Variants in CLIP1 observed in about 807,000 individuals in gnomAD.
CLIP1 encodes CAP-Gly domain-containing linker protein 1.
Under a neutral mutation model 161.6 loss-of-function variants are expected in CLIP1, and 66 were observed. The ratio of observed to expected loss-of-function variants is 0.41; its 90% CI spans 0.33 to 0.50. CLIP1 has a LOEUF of 0.50. CLIP1 is among the 20% of genes least tolerant of loss of function. The pLI, the probability that CLIP1 is intolerant of heterozygous loss-of-function variation, is 0.27. For missense variants in CLIP1, 1,376 were observed against 1,702.0 expected (o/e 0.81, Z 3.37); for synonymous variants, 598 against 626.2 (o/e 0.96, Z 0.67).
chr12:122,288,901 C>T lies in CLIP1; in HGVS notation c.3595-360G>A, dbSNP rs531254230. On this transcript the variant is annotated intron_variant, in intron 20 of 25. Transcript: ENST00000620786. ...CGTGATCTCGGCTCACTGCAAGCTC[C>T]GCCTCCCGGGTTCACGCCATTCTCC... Among the ~76,000 whole-genome samples, 358 of 149,806 alleles carry T rather than the reference C, an allele frequency of 2.4e-3. 2 individuals are homozygous for T. Among genetic ancestry groups the T allele is most frequent in the South Asian group, 0.019 (91 of 4,724 alleles).
intron 19 of CLIP1, among the ~76,000 whole-genome samples, chr12:122,312,616 T>C (rs1177423239): frequency 6.6e-6 from 1 of 151,870 alleles, no homozygotes. Flanking sequence ...ATACAAAAAT[T>C]AGTTGGGCGT....
intron 1 of CLIP1, among the ~76,000 whole-genome samples, chr12:122,419,705 G>GT (rs1956872326): frequency 6.6e-6 from 1 of 151,886 alleles, no homozygotes; most frequent in Non-Finnish European, 1.5e-5. Context: ...GGAGGCCGAG[G>GT]TGAGAGGATC....
Position 122,278,805 on chromosome 12 carries a change from G to A in CLIP1, c.3903C>T (p.Leu1301=), listed in dbSNP as rs1955534502. Residue 1301 remains leucine (L), a synonymous_variant, in exon 23 of 26, where the codon CTC becomes CTT. Transcript: ENST00000620786. ...GGCGCCCTTTACCTGAGGAGCTGCTGAGCTGCCTCTTGTTTTCTTTGAGTT... is the reference window on the plus strand; with the variant it reads ...GGCGCCCTTTACCTGAGGAGCTGCTAAGCTGCCTCTTGTTTTCTTTGAGTT... The part of the protein sequence containing the change: ...ELQLKENKRQ[L]SSSSGNTDTQ... The A allele has an allele frequency of 1.2e-6, 2 of 1,602,606 alleles. No homozygotes were observed. The highest frequency in any genetic ancestry group is 1.7e-6 in the Non-Finnish European group (2 of 1,175,144).
chr12:122,313,682 A>T (rs898638476), intron 19 of CLIP1, among the ~76,000 whole-genome samples: 2 of 152,058 alleles, frequency 1.3e-5, no homozygotes, highest in African/African-American at 4.8e-5. Context: ...ATGCCACTGC[A>T]CTCCATCCTG....
At chr12:122,400,475 C>T (rs540765988) in intron 1 of CLIP1, 61 of 152,296 alleles carry the variant, frequency 4.0e-4, no homozygotes, top group African/African-American at 1.4e-3. Context: ...GCCCCATACG[C>T]TACTGCCACG....
At chr12:122,313,792 G>T (rs547276813) in intron 19 of CLIP1, among the ~76,000 whole-genome samples, 2 of 152,150 alleles carry the variant, frequency 1.3e-5, no homozygotes, top group Non-Finnish European at 2.9e-5. Flanking sequence ...GGTAGGTGAC[G>T]TGACAGGATT....
At chr12:122,329,629 C>CAA (rs571336170) in intron 15 of CLIP1, among the ~76,000 whole-genome samples, 2,521 of 123,466 alleles carry the variant, frequency 0.02, 55 homozygotes, top group African/African-American at 0.067. Context: ...GACTCTGTCT[C>CAA]AAAAAAAAAA....
chr12:122,414,034 T>A (rs1008614359), intron 1 of CLIP1, among the ~76,000 whole-genome samples: 2 of 152,212 alleles, frequency 1.3e-5, no homozygotes, highest in African/African-American at 4.8e-5. Flanking sequence ...GTTCCCTTGA[T>A]TGAAACCTGA....
intron 9 of CLIP1, among the ~76,000 whole-genome samples, chr12:122,350,572 G>T (rs1057126827): frequency 6.6e-6 from 1 of 152,036 alleles, no homozygotes; most frequent in East Asian, 1.9e-4. Flanking sequence ...AAGTTTAAAT[G>T]TCTCATCAGC....
rs1361562052 is a variant in CLIP1 at position 122,316,980 on chromosome 12, A to G, written c.3367-125T>C. The G allele has an allele frequency of 2.1e-5, 13 of 622,800 alleles. No homozygotes were observed. The Admixed American group carries it at 4.1e-4, about 19-fold the overall frequency. 38.6% of individuals were successfully genotyped at this position (622,800 alleles called of 1,614,324 possible). On this transcript the variant is annotated intron_variant, in intron 18 of 25. Transcript: ENST00000620786. Reference sequence around the variant, plus strand: ...AAATTAGTCACTCGCAAAAAAAAAAAGTCTCCTGGGTGAAGAGATTACAGA... The same window carrying G: ...AAATTAGTCACTCGCAAAAAAAAAAGGTCTCCTGGGTGAAGAGATTACAGA...
At chr12:122,307,144 G>A (rs1430188732) in intron 20 of CLIP1, among the ~76,000 whole-genome samples, 2 of 151,596 alleles carry the variant, frequency 1.3e-5, no homozygotes, top group African/African-American at 4.9e-5. Flanking sequence ...GAGTAGCTGG[G>A]ATTACAGGCG....
At chr12:122,367,268 T>C (rs1954218340) in intron 3 of CLIP1, among the ~76,000 whole-genome samples, 1 of 152,060 alleles carries the variant, frequency 6.6e-6, no homozygotes, top group Admixed American at 6.6e-5. Flanking sequence ...TATACATGTA[T>C]CCTGAAAAAA....
intron 1 of CLIP1, among the ~76,000 whole-genome samples, chr12:122,420,332 T>C: frequency 6.8e-6 from 1 of 146,322 alleles, no homozygotes; most frequent in East Asian, 2.0e-4. Flanking sequence ...GCAACAAGAG[T>C]GAAATTCCAT....
intron 1 of CLIP1, among the ~76,000 whole-genome samples, chr12:122,407,748 C>CA (rs35500806): frequency 0.3 from 11,579 of 38,240 alleles, 3,314 homozygotes; most frequent in East Asian, 0.56. Context: ...GACCCTGTCT[C>CA]AAAAAAAAAA....
At chr12:122,365,689 A>G (rs1593173982) in intron 3 of CLIP1, 3 of 674,052 alleles carry the variant, frequency 4.5e-6, no homozygotes, top group Admixed American at 2.7e-5. Flanking sequence ...AAAAAAAAAA[A>G]AAAGAAAGAA....
chr12:122,345,672 A>C (rs913924448), intron 10 of CLIP1, among the ~76,000 whole-genome samples: 13 of 152,178 alleles, frequency 8.5e-5, no homozygotes, highest in African/African-American at 1.4e-4. Flanking sequence ...TTAGAGACAG[A>C]GTAATTTTTG....
intron 17 of CLIP1, among the ~76,000 whole-genome samples, chr12:122,326,722 G>A (rs1424172177): frequency 2.6e-5 from 4 of 151,994 alleles, no homozygotes; most frequent in South Asian, 4.2e-4. Context: ...CAGCTTCTGC[G>A]ATGCTGTGGT....
At chr12:122,369,965 C>G (rs559459100) in intron 3 of CLIP1, among the ~76,000 whole-genome samples, 1 of 151,754 alleles carries the variant, frequency 6.6e-6, no homozygotes, top group Non-Finnish European at 1.5e-5. Context: ...GAATTCGAGA[C>G]CAGCCTGGGC....
At chr12:122,336,560 T>G in intron 12 of CLIP1, 72 bp downstream of exon 12, 1 of 771,732 alleles carries the variant, frequency 1.3e-6, no homozygotes, top group Non-Finnish European at 2.2e-6. Context: ...CTACAATATT[T>G]CTTACTGGAG....
Sources: allele counts gnomAD v4.1 joint callset (sites outside exome capture counted in the v4.1 genomes callset), GRCh38; gene constraint gnomAD v4.1.1; transcripts MANE v1.5; gene names NCBI Gene and HGNC (gene_info 2026-07-23, HGNC 2026-07-21).